Variants in NELFB observed in about 807,000 individuals in gnomAD.
The protein encoded by NELFB is negative elongation factor complex member B.
In NELFB, 34 loss-of-function variants were observed where a neutral mutation model predicts 60.2. The observed-to-expected ratio is 0.56, with a 90% CI of 0.43 to 0.75. The LOEUF is 0.75. Ranked by LOEUF, NELFB falls within the 30% of genes least tolerant of loss-of-function variation. The pLI, the probability that NELFB is intolerant of heterozygous loss-of-function variation, is 0.00. For missense variants in NELFB, 770 were observed against 831.6 expected (o/e 0.93, Z 0.91); for synonymous variants, 459 against 382.1 (o/e 1.20, Z -2.35).
At chr9:137,258,224 A>G (rs570070760) in intron 4 of NELFB, among the ~76,000 whole-genome samples, 2 of 150,430 alleles carry the variant, frequency 1.3e-5, no homozygotes, top group African/African-American at 4.9e-5. Flanking sequence ...CCTGGACTCA[A>G]GCAATCCTCC....
chr9:137,263,259 G>A, intron 5 of NELFB, 37 bp downstream of exon 5: 1 of 1,560,416 alleles, frequency 6.4e-7, no homozygotes, highest in Non-Finnish European at 8.7e-7. Context: ...CTACCCTCCT[G>A]AAGGTAGTGC....
Position 137,266,357 on chromosome 9 carries a change from C to G in NELFB, c.1170C>G (p.Leu390=). Residue 390 remains leucine, a synonymous_variant, in exon 8 of 13, where the codon CTC becomes CTG. Transcript: ENST00000343053. ...ACAGCCCCGACCTCCTGCTGCTGCT[C>G]CGGCTGCTGGCGCTGGGCCAGGGAG... 6.2e-7 allele frequency: 1 copy of G among 1,612,978 alleles called. No homozygotes were observed. Among genetic ancestry groups the G allele is most frequent in the Non-Finnish European group, 8.5e-7 (1 of 1,179,984 alleles).
At chr9:137,272,404 G>T in intron 11 of NELFB, 103 bp from the exon 12 acceptor site, 1 of 1,445,898 alleles carries the variant, frequency 6.9e-7, no homozygotes, top group East Asian at 2.4e-5. Flanking sequence ...CCCAAAGGCT[G>T]GCCATGTCCT....
chr9:137,272,111 A>G lies in NELFB; in HGVS notation c.1520A>G (p.Asp507Gly). Reference sequence around the variant, plus strand: ...ACCTTTGGCGACTTGGCCTTTGGCGACATCTTCCTCCACCTGCTCACGGGC... The same window carrying G: ...ACCTTTGGCGACTTGGCCTTTGGCGGCATCTTCCTCCACCTGCTCACGGGC... Residue 507 changes from aspartate to glycine, a missense_variant, in exon 11 of 13, where the codon GAC (aspartate) becomes GGC (glycine). Transcript: ENST00000343053. The G allele has an allele frequency of 6.2e-7, 1 of 1,614,144 alleles. No homozygotes were observed. Among genetic ancestry groups the G allele is most frequent in the Non-Finnish European group, 8.5e-7 (1 of 1,180,008 alleles).
In NELFB at chr9:137,272,561, G is replaced by A. The variant is rs764271827; in HGVS notation, c.1686G>A (p.Arg562=). Residue 562 remains arginine, a synonymous_variant, in exon 12 of 13, where the codon AGG becomes AGA. Coordinates refer to ENST00000343053, the MANE Select transcript of NELFB (RefSeq NM_015456.5). ...GGCTCCTCATTCACCTGCACCCCAG[G>A]GTGGCCCCGTCTAAGCTGGAGGCGT... 2 of 1,612,154 alleles carry A rather than the reference G, an allele frequency of 1.2e-6. No individual in the cohort carries two copies. The highest frequency in any genetic ancestry group is 2.2e-5 in the South Asian group (2 of 90,866).
At chr9:137,267,647 C>T (rs919477406) in intron 10 of NELFB, among the ~76,000 whole-genome samples, 6 of 152,142 alleles carry the variant, frequency 3.9e-5, no homozygotes, top group African/African-American at 1.2e-4. Context: ...GCGCGTGCCA[C>T]CGTGCCAGGC....
At position 137,255,892 on chromosome 9, in the gene NELFB, T is replaced by C. The variant is rs377724847; in HGVS notation, c.247-15T>C. ...CGCACTGGGCTGCGTTTGAGGTTTC[T>C]CTTGGCTTCCTCAGACAGAGAATGG... On this transcript the variant is annotated splice_polypyrimidine_tract_variant and intron_variant, in intron 1 of 12. Coordinates refer to ENST00000343053, the MANE Select transcript of NELFB (RefSeq NM_015456.5). The C allele has an allele frequency of 8.4e-5, 135 of 1,612,510 alleles. No homozygotes were observed. The highest frequency in any genetic ancestry group is 1.1e-4 in the Non-Finnish European group (129 of 1,179,072).
chr9:137,260,142 C>A (rs1353581313), intron 4 of NELFB, among the ~76,000 whole-genome samples: 1 of 151,014 alleles, frequency 6.6e-6, no homozygotes, highest in Admixed American at 6.6e-5. Flanking sequence ...CTCCGCCTCC[C>A]GGGTTCACTC....
At chr9:137,257,329 CT>C (rs891429253) in intron 4 of NELFB, among the ~76,000 whole-genome samples, 1 of 152,178 alleles carries the variant, frequency 6.6e-6, no homozygotes, top group Non-Finnish European at 1.5e-5. Context: ...CCCTCCCCTA[CT>C]TTTTTTCTTT....
intron 12 of NELFB, 68 bp from the exon 13 acceptor site, chr9:137,272,714 G>C: frequency 6.6e-7 from 1 of 1,520,574 alleles, no homozygotes; most frequent in Non-Finnish European, 8.9e-7. Flanking sequence ...TGGTCGGTGG[G>C]CACCCACCCC....
intron 10 of NELFB, 116 bp downstream of exon 10, chr9:137,267,462 C>CCTCCAA: frequency 1.4e-6 from 1 of 730,126 alleles, no homozygotes; most frequent in South Asian, 2.1e-5. Flanking sequence ...CCCCAGCCCA[C>CCTCCAA]CTCCAACTTT....
chr9:137,267,411 C>G, intron 10 of NELFB, 65 bp downstream of exon 10: 1 of 1,472,926 alleles, frequency 6.8e-7, no homozygotes, highest in East Asian at 2.5e-5. Context: ...GCAGTCCTGC[C>G]CAGGGTGCGG....
chr9:137,262,842 A>G (rs905443924), intron 4 of NELFB, among the ~76,000 whole-genome samples, 195 bp from the exon 5 acceptor site: 1 of 152,064 alleles, frequency 6.6e-6, no homozygotes, highest in African/African-American at 2.4e-5. Flanking sequence ...AAAAAGTAAT[A>G]AAAAAAATAA....
In NELFB at chr9:137,256,964, C is replaced by A. The variant is rs149580829; in HGVS notation, c.651C>A (p.Ile217=). 1 of 1,614,180 alleles carries A rather than the reference C, an allele frequency of 6.2e-7. No homozygotes were observed. The change falls in exon 4 of 13, where the codon ATC becomes ATA. Residue 217 remains isoleucine, a synonymous_variant. Transcript: ENST00000343053. ...TTTCCCCACTCCTGAAGCAGTACAT[C>A]CTGGAGAAGGAGAGCGCTCTCTTCA...
Position 137,255,621 on chromosome 9 carries a change from C to T in NELFB, c.246+10C>T, listed in dbSNP as rs1168941994. On this transcript the variant is annotated intron_variant, in intron 1 of 12. Transcript: ENST00000343053. ...CATCGAGCAGTTCCAGGTGGGGCGG[C>T]CCCCGGGGCGGGGGGAGCCCAGTTG... The T allele has an allele frequency of 1.3e-6, 2 of 1,542,726 alleles. No individual in the cohort carries two copies. Among genetic ancestry groups the T allele is most frequent in the South Asian group, 1.2e-5 (1 of 83,480 alleles).
chr9:137,263,658 A>T (rs1830484367), intron 5 of NELFB, among the ~76,000 whole-genome samples: 1 of 151,446 alleles, frequency 6.6e-6, no homozygotes, highest in South Asian at 2.1e-4. Context: ...CCAGACCCTG[A>T]TGGGGGAAGG....
Position 137,266,429 on chromosome 9 carries a change from A to C in NELFB, c.1239+3A>C. 6.2e-7 allele frequency: 1 copy of C among 1,612,134 alleles called. No individual in the cohort carries two copies. The highest frequency in any genetic ancestry group is 8.5e-7 in the Non-Finnish European group (1 of 1,179,436). On this transcript the variant is annotated splice_donor_region_variant and intron_variant, in intron 8 of 12. Coordinates refer to ENST00000343053, the MANE Select transcript of NELFB (RefSeq NM_015456.5). ...AGGTCTTCAAGGAGCCCAAGATGGTAACGAGCCTCCTGTGGGGGCTGCCAG... is the reference window on the plus strand; with the variant it reads ...AGGTCTTCAAGGAGCCCAAGATGGTCACGAGCCTCCTGTGGGGGCTGCCAG...
intron 4 of NELFB, among the ~76,000 whole-genome samples, chr9:137,257,689 A>G (rs1329837387): frequency 6.6e-6 from 1 of 151,870 alleles, no homozygotes; most frequent in African/African-American, 2.4e-5. Context: ...TTTAGTAGAG[A>G]TGGGATTTCT....
chr9:137,262,274 C>CT (rs1304089959), intron 4 of NELFB, among the ~76,000 whole-genome samples: 15 of 152,200 alleles, frequency 9.9e-5, no homozygotes, highest in Non-Finnish European at 1.5e-4. Context: ...CTTTCCCTGT[C>CT]TGCTAAGTAG....
Sources: gnomAD v4.1 joint callset for allele counts (sites outside exome capture counted in the v4.1 genomes callset) on GRCh38, gnomAD v4.1.1 for gene constraint, MANE v1.5 for transcripts, NCBI Gene and HGNC (gene_info 2026-07-23, HGNC 2026-07-21) for gene names.